Variants in PRMT3 observed in about 807,000 individuals in gnomAD.
PRMT3 encodes protein arginine methyltransferase 3, also known as protein arginine N-methyltransferase 3.
PRMT3 carries 62 observed loss-of-function variants against 71.9 expected under a neutral mutation model. That is an observed-to-expected ratio of 0.86 (90% CI 0.70 to 1.07). The LOEUF (loss-of-function observed/expected upper bound fraction) is 1.07, where lower values mean the gene tolerates loss of function less well. PRMT3 is among the 50% of genes least tolerant of loss of function. The pLI is 0.00. For synonymous variants in PRMT3, 213 were observed against 220.4 expected (o/e 0.97, Z 0.30); for missense variants, 663 against 643.0 (o/e 1.03, Z -0.34).
At chr11:20,491,837 C>CAT (rs1851215116) in intron 13 of PRMT3, among the ~76,000 whole-genome samples, 1 of 152,214 alleles carries the variant, frequency 6.6e-6, no homozygotes, top group Non-Finnish European at 1.5e-5. Flanking sequence ...GCATTTCCTA[C>CAT]ATACAGAATT....
Position 20,508,388 on chromosome 11 carries a change from C to T in PRMT3, c.1571C>T (p.Ser524Leu). 2.5e-6 allele frequency: 4 copies of T among 1,606,956 alleles called. No individual in the cohort carries two copies. Among genetic ancestry groups the T allele is most frequent in the Non-Finnish European group, 3.4e-6 (4 of 1,173,642 alleles). The change falls in exon 16 of 16, where the codon TCA becomes TTA. Residue 524 changes from serine to leucine, a missense_variant. Physicochemically the swap from Ser to Leu is moderately radical, Grantham distance 145 (BLOSUM62 -2). Coordinates refer to ENST00000331079, the MANE Select transcript of PRMT3 (RefSeq NM_005788.4). ...ACCGTGACCCTCACGTTGAATAATT[C>T]AACTCAAACTTATGGTCTCCAGTGA... Reference protein sequence around the residue: ...SLTVTLTLNNSTQTYGLQ With the variant: ...SLTVTLTLNNLTQTYGLQ
chr11:20,485,351 C>T (rs1350778502), intron 13 of PRMT3, among the ~76,000 whole-genome samples: 2 of 152,028 alleles, frequency 1.3e-5, no homozygotes, highest in African/African-American at 4.8e-5. Flanking sequence ...CACAAAACAA[C>T]ATGAATCAAG....
At chr11:20,430,787 GTCA>G (rs1236705423) in intron 10 of PRMT3, among the ~76,000 whole-genome samples, 1 of 152,070 alleles carries the variant, frequency 6.6e-6, no homozygotes, top group African/African-American at 2.4e-5. Flanking sequence ...ACTAACTGTA[GTCA>G]TCATGCTCTA....
intron 13 of PRMT3, among the ~76,000 whole-genome samples, chr11:20,473,654 T>C (rs1455982179): frequency 1.3e-5 from 2 of 152,196 alleles, no homozygotes; most frequent in African/African-American, 2.4e-5. Flanking sequence ...TTTACCATGA[T>C]TCTTAGCTTC....
intron 13 of PRMT3, among the ~76,000 whole-genome samples, chr11:20,476,861 G>A (rs944259798): frequency 2.6e-5 from 4 of 151,946 alleles, no homozygotes; most frequent in Non-Finnish European, 1.5e-5. Flanking sequence ...AGTGATCTGC[G>A]ATTTTGCTTC....
intron 9 of PRMT3, among the ~76,000 whole-genome samples, chr11:20,424,661 A>G (rs549994727): frequency 1.2e-3 from 181 of 152,358 alleles, no homozygotes; most frequent in African/African-American, 4.1e-3. Flanking sequence ...CATAAAAGAA[A>G]AAAATGATAA....
At chr11:20,440,466 A>G (rs1006892273) in intron 10 of PRMT3, among the ~76,000 whole-genome samples, 14 of 148,512 alleles carry the variant, frequency 9.4e-5, no homozygotes, top group African/African-American at 3.2e-4. Context: ...TAACACGGTG[A>G]AACCCCATCT....
intron 15 of PRMT3, among the ~76,000 whole-genome samples, chr11:20,498,892 AT>A (rs1367802514): frequency 2.0e-5 from 3 of 152,202 alleles, no homozygotes; most frequent in Non-Finnish European, 4.4e-5. Flanking sequence ...TGCTGAACAA[AT>A]TTATTTTCAG....
chr11:20,396,100 A>G, intron 6 of PRMT3, 138 bp downstream of exon 6: 1 of 752,266 alleles, frequency 1.3e-6, no homozygotes, highest in Non-Finnish European at 2.1e-6. Flanking sequence ...TGTTAAAGAT[A>G]TGTAGCATTT....
chr11:20,406,460 C>T (rs1849073164), intron 8 of PRMT3: 1 of 152,232 alleles, frequency 6.6e-6, no homozygotes, highest in Non-Finnish European at 1.5e-5. Flanking sequence ...GACCTTGTTA[C>T]AGCGAATGTC....
rs142522583 is a variant in PRMT3 at position 20,479,148 on chromosome 11, C to G, written c.1347+14602C>G. Among the ~76,000 whole-genome samples, 1,186 of 152,264 alleles carry G rather than the reference C, an allele frequency of 7.8e-3. 9 individuals are homozygous for G. The highest frequency in any genetic ancestry group is 0.012 in the Non-Finnish European group (848 of 68,022). On this transcript the variant is annotated intron_variant, in intron 13 of 15. Transcript: ENST00000331079. The stretch of plus-strand genomic sequence containing the variant: ...CCTCTACAGTTGGTTTTAGGCTCCT[C>G]CTTGTGAATGACCATGTGGTCTAAA...
chr11:20,392,748 G>T, intron 4 of PRMT3, 149 bp from the exon 5 acceptor site: 2 of 500,544 alleles, frequency 4.0e-6, no homozygotes, highest in Non-Finnish European at 7.0e-6. Flanking sequence ...GCAAGTTAAT[G>T]AAATGACAGG....
intron 10 of PRMT3, among the ~76,000 whole-genome samples, chr11:20,436,268 C>A (rs1240183781): frequency 6.6e-6 from 1 of 152,174 alleles, no homozygotes; most frequent in African/African-American, 2.4e-5. Flanking sequence ...TCCCTTCTTT[C>A]CAATTTGGAT....
chr11:20,426,981 T>C, intron 10 of PRMT3, 116 bp downstream of exon 10: 1 of 1,374,860 alleles, frequency 7.3e-7, no homozygotes, highest in Non-Finnish European at 9.5e-7. Flanking sequence ...ACATTATTTT[T>C]TAAGTAGCTA....
chr11:20,438,375 G>A (rs1025673904), intron 10 of PRMT3, among the ~76,000 whole-genome samples: 2 of 152,104 alleles, frequency 1.3e-5, no homozygotes, highest in Non-Finnish European at 2.9e-5. Context: ...GCAGCAGCAA[G>A]TACCCTAGAA....
chr11:20,448,603 G>T (rs1287808214), intron 10 of PRMT3, among the ~76,000 whole-genome samples: 1 of 151,572 alleles, frequency 6.6e-6, no homozygotes, highest in Non-Finnish European at 1.5e-5. Flanking sequence ...GCCTAGAGAT[G>T]TATCAGTAAT....
In PRMT3 at chr11:20,448,987, A is replaced by G. The variant is rs372147790; in HGVS notation, c.994-3143A>G. Among the ~76,000 whole-genome samples, 31 of 152,222 alleles carry G rather than the reference A, an allele frequency of 2.0e-4. 1 individual carries two copies. Among genetic ancestry groups the G allele is most frequent in the Admixed American group, 7.9e-4 (12 of 15,272 alleles). On this transcript the variant is annotated intron_variant, in intron 10 of 15. Transcript: ENST00000331079. Reference sequence around the variant, plus strand: ...CACTGCAGATGAGCGGGGCATTTGGACCAGAGCCTTCTGATATCAGTAATA... The same window carrying G: ...CACTGCAGATGAGCGGGGCATTTGGGCCAGAGCCTTCTGATATCAGTAATA...
chr11:20,389,826 G>T lies in PRMT3; in HGVS notation c.247G>T (p.Gly83Ter). 1.2e-6 allele frequency: 2 copies of T among 1,603,088 alleles called. No individual in the cohort carries two copies. The highest frequency in any genetic ancestry group is 1.3e-5 in the African/African-American group (1 of 74,756). Residue 83 changes from glycine (G) to a stop codon, truncating the protein, a stop_gained and splice_region_variant, in exon 3 of 16, where the codon GGA becomes TGA. Transcript: ENST00000331079. LOFTEE classifies it high-confidence loss of function. ...TATTGACAGCATGGTTCATAAACAT[G>T]GTGAGTAGTTTTTAGAATAAAGGCA... ...FNIDSMVHKH[G>*]LEFYGYIKLI...
rs764925529 is a variant in PRMT3 at position 20,508,571 on chromosome 11, A to G, written c.*158A>G. The G allele has an allele frequency of 2.8e-6, 2 of 703,236 alleles. No individual in the cohort carries two copies. The allele number at this position is 703,236 out of a possible 1,614,324, so 43.6% of individuals were successfully genotyped here. Reference sequence around the variant, plus strand: ...GAAGTTCTCATTGTGGGAATCTGACATAGTTCAGCTGAGGAAGAGAATCAG... The same window carrying G: ...GAAGTTCTCATTGTGGGAATCTGACGTAGTTCAGCTGAGGAAGAGAATCAG... On this transcript the variant is annotated 3_prime_UTR_variant, in exon 16 of 16. Coordinates refer to ENST00000331079, the MANE Select transcript of PRMT3 (RefSeq NM_005788.4).
Sources: gnomAD v4.1 joint callset for allele counts (sites outside exome capture counted in the v4.1 genomes callset) on GRCh38, gnomAD v4.1.1 for gene constraint, MANE v1.5 for transcripts, NCBI Gene and HGNC (gene_info 2026-07-23, HGNC 2026-07-21) for gene names.